Variants in USP42 observed in about 807,000 individuals in gnomAD.
USP42 encodes ubiquitin specific peptidase 42.
In USP42, 23 loss-of-function variants were observed where a neutral mutation model predicts 113.0. The observed-to-expected ratio is 0.20, with a 90% CI of 0.15 to 0.29. The LOEUF (loss-of-function observed/expected upper bound fraction) is 0.29. Among genes scored for constraint, USP42 ranks in the 10% least tolerant of loss-of-function variants. The probability of loss-of-function intolerance (pLI) is 1.00; values close to 1 mark genes in which losing one functional copy is unlikely to be tolerated. For missense variants in USP42, 2,174 were observed against 1,779.8 expected, an observed-to-expected ratio of 1.22 and a Z score of -3.99; for synonymous variants, 933 against 699.0, an observed-to-expected ratio of 1.33 and a Z score of -5.28.
upstream of USP42, among the ~76,000 whole-genome samples, chr7:6,103,329 G>A (rs954316406): frequency 1.3e-5 from 2 of 150,716 alleles, no homozygotes; most frequent in Admixed American, 6.6e-5. Context: ...CTGAGGTCAG[G>A]AGTTCGAGAC....
At chr7:6,106,564 A>G (rs1351221797) in intron 1 of USP42, among the ~76,000 whole-genome samples, 3 of 152,096 alleles carry the variant, frequency 2.0e-5, no homozygotes, top group Non-Finnish European at 4.4e-5. Context: ...ACCTCGATTC[A>G]TGTTCATGTT....
intron 3 of USP42, among the ~76,000 whole-genome samples, chr7:6,122,771 A>G (rs572076657): frequency 3.7e-4 from 55 of 147,518 alleles, no homozygotes; most frequent in Admixed American, 7.5e-4. Context: ...TGTCCAGCCT[A>G]ATTTTTTTTT....
chr7:6,145,698 G>T (rs1781678738), intron 10 of USP42, 42 bp downstream of exon 10: 2 of 1,584,570 alleles, frequency 1.3e-6, no homozygotes, highest in Non-Finnish European at 1.7e-6. Context: ...TTACATACAT[G>T]CTATAAGACA....
At chr7:6,141,294 C>T (rs1356591420) in intron 7 of USP42, among the ~76,000 whole-genome samples, 2 of 150,368 alleles carry the variant, frequency 1.3e-5, no homozygotes, top group African/African-American at 4.9e-5. Flanking sequence ...CCTCCACCTC[C>T]CGAGTTCAAG....
intron 15 of USP42, among the ~76,000 whole-genome samples, 163 bp downstream of exon 15, chr7:6,155,358 A>G (rs1239733932): frequency 6.6e-6 from 1 of 152,148 alleles, no homozygotes; most frequent in African/African-American, 2.4e-5. Context: ...CACTATTTTT[A>G]CAGATTTGTA....
chr7:6,096,929 T>C, the USP42 span, among the ~76,000 whole-genome samples: 8 of 93,620 alleles, frequency 8.5e-5, no homozygotes, highest in African/African-American at 7.1e-4. Flanking sequence ...CTTTCTTTCT[T>C]TTCTTTTTTT....
chr7:6,095,452 G>A, the USP42 span, among the ~76,000 whole-genome samples: 1 of 150,872 alleles, frequency 6.6e-6, no homozygotes, highest in Non-Finnish European at 1.5e-5. Flanking sequence ...GGCAGATCAC[G>A]AAGTCAGGAG....
chr7:6,154,314 C>A lies in USP42; in HGVS notation c.2760C>A (p.Pro920=). The A allele has an allele frequency of 1.3e-6, 2 of 1,580,270 alleles. No homozygotes were observed. Among genetic ancestry groups the A allele is most frequent in the Non-Finnish European group, 1.7e-6 (2 of 1,163,856 alleles). Residue 920 remains proline, a synonymous_variant, in exon 15 of 18, where the codon CCC becomes CCA. Transcript: ENST00000306177. The stretch of plus-strand genomic sequence containing the variant: ...CGGAAGGGGACGCTGAGCCTAGCCC[C>A]GGCGAGAGGGTCGAGGACGCCGCGG... The part of the protein sequence containing the change: ...GHPEGDAEPS[P]GERVEDAAAP...
chr7:6,092,174 TTC>T, the USP42 span, among the ~76,000 whole-genome samples: 129 of 134,300 alleles, frequency 9.6e-4, 2 homozygotes, highest in Non-Finnish European at 1.6e-3. Flanking sequence ...TTTCTTCTTC[TTC>T]TCTTTTTTTT....
Position 6,153,640 on chromosome 7 carries a change from AAAAT to A in USP42, c.2202-112_2202-109del. On this transcript the variant is annotated intron_variant, in intron 14 of 17. Transcript: ENST00000306177. ...CTGAAACTTAAAGTATAATAATAAT[AAAAT>A]AAAGAGACGAAATAGCAAATGAACG... is the stretch of plus-strand genomic sequence containing the variant. The A allele has an allele frequency of 3.9e-6, 5 of 1,266,126 alleles. No individual in the cohort carries two copies. In the South Asian group the frequency reaches 1.1e-4, roughly 27 times the overall value. 78.4% of individuals were successfully genotyped at this position (1,266,126 alleles called of 1,614,324 possible). A position where few individuals can be genotyped will look rare whatever the true frequency, so the allele number is the denominator to read the frequency against.
intron 3 of USP42, chr7:6,116,779 T>C: frequency 1.9e-6 from 1 of 533,174 alleles, no homozygotes; most frequent in South Asian, 1.4e-5. Context: ...TTGCCCTCAT[T>C]TTCTCCCTTT....
At chr7:6,104,089 T>C (rs1028581035), upstream of USP42, among the ~76,000 whole-genome samples, 2 of 151,266 alleles carry the variant, frequency 1.3e-5, no homozygotes, top group Non-Finnish European at 2.9e-5. Flanking sequence ...TTCTTTTCTT[T>C]TTTGAGACAG....
chr7:6,149,266 A>C (rs1162157700), intron 12 of USP42, among the ~76,000 whole-genome samples: 1 of 152,196 alleles, frequency 6.6e-6, no homozygotes, highest in Non-Finnish European at 1.5e-5. Context: ...CCAACCAGGT[A>C]GCAAGTGTGT....
the USP42 span, among the ~76,000 whole-genome samples, chr7:6,093,787 A>C: frequency 1.3e-5 from 2 of 148,922 alleles, no homozygotes; most frequent in South Asian, 4.2e-4. Context: ...CTGTTTATAT[A>C]TTTTCTTCTT....
chr7:6,103,266 G>C (rs1418726350), upstream of USP42, among the ~76,000 whole-genome samples: 1 of 151,022 alleles, frequency 6.6e-6, no homozygotes, highest in African/African-American at 2.5e-5. Context: ...ATAAAATCTG[G>C]ACGGGGTGAA....
rs1781959162 is a variant in USP42, at chr7:6,150,165, C to T, written c.1969C>T (p.Leu657=). ...TPHELQEPMT[L]NGANSADSDS... is the part of the protein sequence containing the mutation. ...GCACGAGCTTCAAGAACCCATGACC[C>T]TAAACGGTGCTAATAGTGCAGACAG... is the stretch of plus-strand genomic sequence containing the variant. Residue 657 remains leucine, a synonymous_variant, in exon 13 of 18, where the codon CTA becomes TTA. Transcript: ENST00000306177. The T allele has an allele frequency of 6.2e-7, 1 of 1,613,776 alleles. No individual in the cohort carries two copies. Among genetic ancestry groups the T allele is most frequent in the Non-Finnish European group, 8.5e-7 (1 of 1,179,864 alleles).
At chr7:6,151,275 G>A (rs995325747) in intron 14 of USP42, among the ~76,000 whole-genome samples, 4 of 152,122 alleles carry the variant, frequency 2.6e-5, no homozygotes, top group Admixed American at 6.5e-5. Flanking sequence ...CACTTCAGCC[G>A]CACTCAATTT....
intron 1 of USP42, among the ~76,000 whole-genome samples, chr7:6,107,970 C>G (rs2128474221): frequency 6.6e-6 from 1 of 151,776 alleles, no homozygotes; most frequent in Admixed American, 6.6e-5. Flanking sequence ...ATAATCTTAC[C>G]CTAGTTAAAA....
At chr7:6,115,019 C>G (rs1178952457) in intron 2 of USP42, among the ~76,000 whole-genome samples, 1 of 151,732 alleles carries the variant, frequency 6.6e-6, no homozygotes, top group Non-Finnish European at 1.5e-5. Flanking sequence ...AGCAGTTGTT[C>G]AGAGCAGCAT....
Sources: gnomAD v4.1 joint callset for allele counts (sites outside exome capture counted in the v4.1 genomes callset) on GRCh38, gnomAD v4.1.1 for gene constraint, MANE v1.5 for transcripts, NCBI Gene and HGNC (gene_info 2026-07-23, HGNC 2026-07-21) for gene names.